BEAN1: variants seen among roughly 807,000 people sequenced by gnomAD.
The protein encoded by BEAN1 is brain expressed associated with NEDD4 1, also known as protein BEAN1.
BEAN1 carries 17 observed loss-of-function variants against 17.7 expected under a neutral mutation model. The observed-to-expected ratio is 0.96, with a 90% confidence interval of 0.66 to 1.44. The LOEUF is 1.44. Ranked by LOEUF, BEAN1 falls within the 40% of genes most tolerant of loss-of-function variation. The probability of loss-of-function intolerance (pLI) is 0.00; values close to 1 mark genes in which losing one functional copy is unlikely to be tolerated. For missense variants in BEAN1, 359 were observed against 374.1 expected, an observed-to-expected ratio of 0.96 and a Z score of 0.33; for synonymous variants, 142 against 151.8, an observed-to-expected ratio of 0.94 and a Z score of 0.47.
intron 3 of BEAN1, among the ~76,000 whole-genome samples, chr16:66,472,151 T>G (rs1963508778): frequency 6.6e-6 from 1 of 152,170 alleles, no homozygotes. Flanking sequence ...GCTGCCTCCT[T>G]ATGGGAGCTT....
rs770120139 is a variant in BEAN1 at position 66,477,541 on chromosome 16, G to A, written c.290-19G>A. 1.1e-5 allele frequency: 16 copies of A among 1,520,398 alleles called. No homozygotes were observed. Among genetic ancestry groups the A allele is most frequent in the East Asian group, 5.0e-5 (2 of 39,678 alleles). 94.2% of individuals were successfully genotyped at this position (1,520,398 alleles called of 1,614,324 possible). A position where few individuals can be genotyped will look rare whatever the true frequency, so the allele number is the denominator to read the frequency against. On this transcript the variant is annotated intron_variant, in intron 3 of 4. Transcript: ENST00000536005. ...TGGATCCTGGTCTGAGGCCCAGGCC[G>A]GTGGTCTGTTCCCTGCAGTGTCGGA... is the stretch of plus-strand genomic sequence containing the variant.
chr16:66,443,448 G>C (rs367918998), intron 2 of BEAN1, among the ~76,000 whole-genome samples: 16 of 152,200 alleles, frequency 1.1e-4, no homozygotes, highest in African/African-American at 3.6e-4. Flanking sequence ...AAGTGAGTTT[G>C]TCCAGGGCTC....
intron 2 of BEAN1, among the ~76,000 whole-genome samples, chr16:66,467,713 G>A (rs901821958): frequency 1.3e-5 from 2 of 152,182 alleles, no homozygotes; most frequent in Non-Finnish European, 2.9e-5. Context: ...GCCTTAGGGC[G>A]CTCCCTCACT....
intron 2 of BEAN1, among the ~76,000 whole-genome samples, chr16:66,439,024 G>A (rs1173895764): frequency 2.0e-5 from 3 of 152,138 alleles, no homozygotes; most frequent in African/African-American, 4.8e-5. Flanking sequence ...TCATGGGGGT[G>A]GGGGCCTCTC....
chr16:66,451,752 C>T (rs1395401319), intron 2 of BEAN1, among the ~76,000 whole-genome samples: 1 of 152,190 alleles, frequency 6.6e-6, no homozygotes, highest in African/African-American at 2.4e-5. Flanking sequence ...TCAGTGGGCA[C>T]TGCCAGCAAG....
intron 2 of BEAN1, among the ~76,000 whole-genome samples, chr16:66,440,298 T>G (rs2142382718): frequency 6.6e-6 from 1 of 151,664 alleles, no homozygotes; most frequent in Admixed American, 6.6e-5. Flanking sequence ...CCTGGCTAAG[T>G]TTTTTTTGTT....
chr16:66,463,481 T>A (rs939537810), intron 2 of BEAN1, among the ~76,000 whole-genome samples: 1 of 152,220 alleles, frequency 6.6e-6, no homozygotes, highest in Non-Finnish European at 1.5e-5. Flanking sequence ...ACAATTTTTT[T>A]AATTGGGTTG....
intron 2 of BEAN1, among the ~76,000 whole-genome samples, chr16:66,466,784 G>C (rs760558556): frequency 1.3e-5 from 2 of 152,098 alleles, no homozygotes; most frequent in Non-Finnish European, 2.9e-5. Flanking sequence ...GGTCAGGCGG[G>C]TCTCAACCTC....
chr16:66,486,564 G>T (rs1386868260), downstream of BEAN1, among the ~76,000 whole-genome samples: 1 of 152,134 alleles, frequency 6.6e-6, no homozygotes, highest in Non-Finnish European at 1.5e-5. Flanking sequence ...CAGGATTACG[G>T]TCTCTGGCTG....
chr16:66,480,745 G>C lies in BEAN1; in HGVS notation c.600G>C (p.Pro200=). The C allele has an allele frequency of 6.4e-7, 1 of 1,551,520 alleles. No individual in the cohort carries two copies. ...GACACCAGCAGGAGCAGAGGACCCC[G>C]GCCCAAGGTGGCCTTCACACGGTCT... is the stretch of plus-strand genomic sequence containing the variant. The part of the protein sequence containing the change: ...PGRHQQEQRT[P]AQGGLHTVSM... The change falls in exon 5 of 5, where the codon CCG becomes CCC. Residue 200 remains proline, a synonymous_variant. Transcript: ENST00000536005.
At chr16:66,474,893 T>A (rs1236922342) in intron 3 of BEAN1, among the ~76,000 whole-genome samples, 1 of 152,134 alleles carries the variant, frequency 6.6e-6, no homozygotes, top group Non-Finnish European at 1.5e-5. Context: ...GACTTCACTC[T>A]CGGTCTCTTC....
At chr16:66,445,102 A>G (rs1451203589) in intron 2 of BEAN1, among the ~76,000 whole-genome samples, 4 of 152,232 alleles carry the variant, frequency 2.6e-5, no homozygotes, top group Non-Finnish European at 4.4e-5. Flanking sequence ...TGGTGCCAAC[A>G]TAGCCAGAAG....
intron 2 of BEAN1, among the ~76,000 whole-genome samples, chr16:66,463,383 C>A (rs1963153192): frequency 6.6e-6 from 1 of 152,152 alleles, no homozygotes; most frequent in Admixed American, 6.5e-5. Context: ...ATTTGCATTT[C>A]TCTGATGGTT....
intron 1 of BEAN1, among the ~76,000 whole-genome samples, chr16:66,430,099 G>C (rs1567478209): frequency 6.6e-6 from 1 of 152,178 alleles, no homozygotes; most frequent in African/African-American, 2.4e-5. Flanking sequence ...TGGGTTTATA[G>C]CATGTGGTTC....
intron 1 of BEAN1, among the ~76,000 whole-genome samples, chr16:66,436,500 G>A (rs1478795590): frequency 1.1e-4 from 16 of 148,980 alleles, no homozygotes; most frequent in South Asian, 2.1e-4. Context: ...GGATGGTCTC[G>A]ATCTCCTGAC....
chr16:66,487,355 T>C (rs923030207), downstream of BEAN1, among the ~76,000 whole-genome samples: 2 of 152,130 alleles, frequency 1.3e-5, no homozygotes, highest in African/African-American at 4.8e-5. Flanking sequence ...CTCAAGGGCC[T>C]GAGTTATGCC....
chr16:66,484,765 G>A (rs1042358963), downstream of BEAN1: 3 of 454,020 alleles, frequency 6.6e-6, no homozygotes, highest in South Asian at 3.1e-5. The surrounding 1 kb of genome is among the most constrained non-coding windows in gnomAD (Gnocchi z 4.2). Context: ...AGTCCCACTG[G>A]TGACTCTGAG....
At chr16:66,470,160 T>C in intron 3 of BEAN1, 1 of 489,442 alleles carries the variant, frequency 2.0e-6, no homozygotes, top group Non-Finnish European at 3.6e-6. Flanking sequence ...GGCTGGTCCA[T>C]CTGGTGTCTC....
intron 2 of BEAN1, among the ~76,000 whole-genome samples, chr16:66,458,355 C>T (rs1217864371): frequency 1.3e-5 from 2 of 152,114 alleles, no homozygotes; most frequent in Non-Finnish European, 1.5e-5. Flanking sequence ...TTCCCCACAC[C>T]GGAGCCAGCC....
Sources: gnomAD v4.1 joint callset for allele counts (sites outside exome capture counted in the v4.1 genomes callset) on GRCh38, gnomAD v4.1.1 for gene constraint, Gnocchi (gnomAD v3.1) non-coding constraint, MANE v1.5 for transcripts, NCBI Gene and HGNC (gene_info 2026-07-23, HGNC 2026-07-21) for gene names.